The following PRKDC variants were observed in gnomAD, a reference collection of about 807,000 sequenced individuals.
PRKDC encodes the protein DNA-dependent protein kinase catalytic subunit.
Under a neutral mutation model 486.9 loss-of-function variants are expected in PRKDC, and 82 were observed. That is an observed-to-expected ratio of 0.17 (90% confidence interval 0.14 to 0.20). PRKDC has a LOEUF of 0.20. Among genes scored for constraint, PRKDC ranks in the 10% least tolerant of loss-of-function variants. The probability of loss-of-function intolerance (pLI) is 1.00; values close to 1 mark genes in which losing one functional copy is unlikely to be tolerated. For missense variants in PRKDC, 4,504 were observed against 5,038.2 expected (o/e 0.89, Z 3.21); for synonymous variants, 1,895 against 1,837.0 (o/e 1.03, Z -0.81).
chr8:47,936,546 A>C lies in PRKDC; in HGVS notation c.1114-29T>G, dbSNP rs556720584. The C allele has an allele frequency of 1.3e-4, 208 of 1,608,934 alleles. 1 individual carries two copies. The highest frequency in any genetic ancestry group is 2.7e-4 in the Admixed American group (16 of 59,792). ...TAGAAAAGGTAAAACAGAAGTCTTC[A>C]TCAATCTTATCAAGATCAAAATAAT... On this transcript the variant is annotated intron_variant, in intron 11 of 85. Coordinates refer to ENST00000314191, the MANE Select transcript of PRKDC (RefSeq NM_006904.7).
intron 27 of PRKDC, among the ~76,000 whole-genome samples, chr8:47,902,134 TC>T (rs1206986075): frequency 6.6e-6 from 1 of 152,156 alleles, no homozygotes; most frequent in Non-Finnish European, 1.5e-5. Flanking sequence ...AAGGACTTTA[TC>T]GCCTCAGACA....
intron 10 of PRKDC, among the ~76,000 whole-genome samples, chr8:47,941,895 G>T (rs902324201): frequency 6.6e-6 from 1 of 152,204 alleles, no homozygotes; most frequent in Non-Finnish European, 1.5e-5. Flanking sequence ...GAATTGGAGT[G>T]GGGGACTGAA....
intron 17 of PRKDC, among the ~76,000 whole-genome samples, chr8:47,930,386 C>G (rs548244098): frequency 6.6e-6 from 1 of 152,308 alleles, no homozygotes; most frequent in East Asian, 1.9e-4. Flanking sequence ...CATTCTCCTG[C>G]CTCAGCCTCC....
chr8:47,791,823 C>T (rs764980815), intron 74 of PRKDC, among the ~76,000 whole-genome samples: 2 of 152,112 alleles, frequency 1.3e-5, no homozygotes, highest in Non-Finnish European at 2.9e-5. Context: ...ACTAGAAGTA[C>T]CATATAATCC....
intron 25 of PRKDC, 63 bp from the exon 26 acceptor site, chr8:47,905,039 G>T: frequency 1.6e-6 from 2 of 1,220,154 alleles, no homozygotes; most frequent in South Asian, 1.3e-5. Context: ...CGCTGTAAAG[G>T]GTTCCATTTA....
In PRKDC at chr8:47,821,772, C is replaced by A; in HGVS notation, c.8943G>T (p.Trp2981Cys). The A allele has an allele frequency of 6.4e-7, 1 of 1,572,100 alleles. No homozygotes were observed. The highest frequency in any genetic ancestry group is 1.4e-5 in the African/African-American group (1 of 72,906). ...CGGCTTCTGTGGGCTCACCATCTAC[C>A]CAGTCTTGTTTATTGAGAGCCTAGT... ...QYDEALNKQDWVDGEPTEAEK... is the reference protein window; with the variant it reads ...QYDEALNKQDCVDGEPTEAEK... The change falls in exon 65 of 86, where the codon TGG becomes TGT. Residue 2981 changes from tryptophan to cysteine, a missense_variant. Physicochemically the swap from Trp to Cys is radical, Grantham distance 215. Transcript: ENST00000314191.
At chr8:47,794,974 C>T (rs562342209) in intron 73 of PRKDC, among the ~76,000 whole-genome samples, 51 of 151,980 alleles carry the variant, frequency 3.4e-4, no homozygotes, top group African/African-American at 1.2e-3. Flanking sequence ...CTGCAACCTC[C>T]GCCTCCTGGG....
At position 47,902,634 on chromosome 8, in the gene PRKDC, A is replaced by G; in HGVS notation, c.3204T>C (p.Leu1068=). The G allele has an allele frequency of 6.2e-7, 1 of 1,613,142 alleles. No homozygotes were observed. Among genetic ancestry groups the G allele is most frequent in the Non-Finnish European group, 8.5e-7 (1 of 1,179,556 alleles). ...SLFKRLYSLA[L]HPNAFKRLGA... The stretch of plus-strand genomic sequence containing the variant: ...CCAGCCTCTTGAAAGCATTGGGGTG[A>G]AGCGCAAGGCTATAAAGTCGCTTGA... The change falls in exon 27 of 86, where the codon CTT becomes CTC. Residue 1068 remains leucine (L), a synonymous_variant. Transcript: ENST00000314191.
At chr8:47,862,834 G>A (rs2088708669) in intron 42 of PRKDC, among the ~76,000 whole-genome samples, 1 of 152,216 alleles carries the variant, frequency 6.6e-6, no homozygotes, top group Non-Finnish European at 1.5e-5. Flanking sequence ...GCCTAGTCAT[G>A]ACTGAACGGT....
At position 47,857,134 on chromosome 8, in the gene PRKDC, T is replaced by C. The variant is rs540872808; in HGVS notation, c.6609+22A>G. 5 of 1,608,864 alleles carry C rather than the reference T, an allele frequency of 3.1e-6. No homozygotes were observed. In the Admixed American group the frequency reaches 6.8e-5, roughly 22 times the overall value. On this transcript the variant is annotated intron_variant, in intron 49 of 85. Coordinates refer to ENST00000314191, the MANE Select transcript of PRKDC (RefSeq NM_006904.7). ...ATTGGCAAAGGATAATATATTAACA[T>C]AAAAGATGCATCAATCCTTACTGTT...
intron 26 of PRKDC, among the ~76,000 whole-genome samples, chr8:47,903,873 G>A (rs2089727362): frequency 6.6e-6 from 1 of 152,072 alleles, no homozygotes; most frequent in Non-Finnish European, 1.5e-5. Flanking sequence ...TTATAGGTAG[G>A]ATTCACTGGT....
chr8:47,952,209 G>A (rs971294074), intron 7 of PRKDC, among the ~76,000 whole-genome samples: 1 of 152,038 alleles, frequency 6.6e-6, no homozygotes, highest in Non-Finnish European at 1.5e-5. Context: ...GTAAGTAGAG[G>A]CAAACCAAGT....
intron 7 of PRKDC, among the ~76,000 whole-genome samples, chr8:47,948,708 C>T (rs2090578109): frequency 6.6e-6 from 1 of 151,890 alleles, no homozygotes; most frequent in Non-Finnish European, 1.5e-5. Context: ...GTGATCCGCC[C>T]ACCTCAGCCT....
intron 43 of PRKDC, 32 bp downstream of exon 43, chr8:47,862,341 T>C: frequency 6.3e-7 from 1 of 1,583,730 alleles, no homozygotes; most frequent in East Asian, 2.2e-5. Context: ...ACTCCTACAA[T>C]AACAATAGTG....
In PRKDC at chr8:47,776,908, G is replaced by T. The variant is rs1452784629; in HGVS notation, c.12118C>A (p.Pro4040Thr). The change falls in exon 85 of 86, where the codon CCC becomes ACC. Residue 4040 changes from proline (P) to threonine (T), a missense_variant. Coordinates refer to ENST00000314191, the MANE Select transcript of PRKDC (RefSeq NM_006904.7). ...EINVAEKNWYPRQKICYAKRK... is the reference protein window; with the variant it reads ...EINVAEKNWYTRQKICYAKRK... ...TTAGCGTAACATATTTTCTGTCGGG[G>T]GTACCAATTTTTTTCAGCAACATTT... 1.2e-6 allele frequency: 2 copies of T among 1,613,486 alleles called. No individual in the cohort carries two copies. The highest frequency in any genetic ancestry group is 1.7e-6 in the Non-Finnish European group (2 of 1,179,688).
chr8:47,939,204 A>G (rs1434765099), intron 11 of PRKDC, among the ~76,000 whole-genome samples: 1 of 152,192 alleles, frequency 6.6e-6, no homozygotes, highest in Non-Finnish European at 1.5e-5. Flanking sequence ...CTGTTAATAA[A>G]CAATACTAAT....
chr8:47,952,475 T>C (rs1398822341), intron 7 of PRKDC, among the ~76,000 whole-genome samples: 1 of 152,190 alleles, frequency 6.6e-6, no homozygotes, highest in Non-Finnish European at 1.5e-5. Flanking sequence ...AGATTAACTA[T>C]GGCTCTAAGT....
At chr8:47,910,355 T>C (rs2089875064) in intron 25 of PRKDC, among the ~76,000 whole-genome samples, 1 of 152,220 alleles carries the variant, frequency 6.6e-6, no homozygotes, top group South Asian at 2.1e-4. Flanking sequence ...CTTAACATCT[T>C]AACGAATGTC....
chr8:47,885,351 C>T (rs539545156), intron 36 of PRKDC, among the ~76,000 whole-genome samples: 1 of 151,562 alleles, frequency 6.6e-6, no homozygotes, highest in East Asian at 2.0e-4. Flanking sequence ...CAAGGTTTTG[C>T]CATGTTCGCC....
Sources: allele counts gnomAD v4.1 joint callset (sites outside exome capture counted in the v4.1 genomes callset), GRCh38; gene constraint gnomAD v4.1.1; transcripts MANE v1.5; gene names NCBI Gene and HGNC (gene_info 2026-07-23, HGNC 2026-07-21).